KCNQ3: variants seen among roughly 807,000 people sequenced by gnomAD.
The protein encoded by KCNQ3 is potassium voltage-gated channel subfamily KQT member 3.
Under a neutral mutation model 92.5 loss-of-function variants are expected in KCNQ3, and 30 were observed. That is an observed-to-expected ratio of 0.32 (90% CI 0.24 to 0.44). KCNQ3 has a LOEUF of 0.44. Among genes scored for constraint, KCNQ3 ranks in the 20% least tolerant of loss-of-function variants. The pLI is 1.00. For synonymous variants in KCNQ3, 450 were observed against 468.8 expected (o/e 0.96, Z 0.52); for missense variants, 913 against 1,140.3 (o/e 0.80, Z 2.87).
intron 1 of KCNQ3, among the ~76,000 whole-genome samples, chr8:132,428,856 C>T (rs1416520444): frequency 1.3e-5 from 2 of 152,138 alleles, no homozygotes; most frequent in African/African-American, 4.8e-5. Flanking sequence ...AGAGACCACC[C>T]TTCCTCTAAA....
At chr8:132,342,471 G>T (rs1337257206) in intron 1 of KCNQ3, among the ~76,000 whole-genome samples, 1 of 152,140 alleles carries the variant, frequency 6.6e-6, no homozygotes, top group African/African-American at 2.4e-5. Context: ...GGCAAAATTT[G>T]GCCTATGGAT....
At chr8:132,167,350 T>C (rs1328762106) in intron 8 of KCNQ3, among the ~76,000 whole-genome samples, 1 of 152,198 alleles carries the variant, frequency 6.6e-6, no homozygotes, top group African/African-American at 2.4e-5. Flanking sequence ...AATTAGATAG[T>C]GGTGATTGAT....
chr8:132,210,609 A>G (rs775301856), intron 1 of KCNQ3, among the ~76,000 whole-genome samples: 17 of 152,150 alleles, frequency 1.1e-4, no homozygotes, highest in Non-Finnish European at 1.6e-4. Flanking sequence ...TAAGGCCACA[A>G]AGTGTTGGCC....
At chr8:132,140,226 G>T in intron 10 of KCNQ3, 48 bp from the exon 11 acceptor site, 1 of 1,424,436 alleles carries the variant, frequency 7.0e-7, no homozygotes, top group Non-Finnish European at 9.9e-7. Flanking sequence ...ACCTGGAAAA[G>T]GCTTGGGGAC....
intron 1 of KCNQ3, among the ~76,000 whole-genome samples, chr8:132,469,030 G>A (rs1435823238): frequency 6.6e-6 from 1 of 152,216 alleles, no homozygotes; most frequent in Non-Finnish European, 1.5e-5. Flanking sequence ...GGGATTTGAT[G>A]TGCATCCTGT....
chr8:132,189,523 G>A (rs1827092868), intron 1 of KCNQ3, among the ~76,000 whole-genome samples: 1 of 152,228 alleles, frequency 6.6e-6, no homozygotes, highest in East Asian at 1.9e-4. Flanking sequence ...AAACTACTTA[G>A]CAATAAAAAT....
chr8:132,191,263 G>A (rs1426582181), intron 1 of KCNQ3, among the ~76,000 whole-genome samples: 1 of 152,138 alleles, frequency 6.6e-6, no homozygotes, highest in Non-Finnish European at 1.5e-5. Context: ...CCTCCCATCT[G>A]TAGTAGCTGG....
chr8:132,459,567 T>C (rs1011721656), intron 1 of KCNQ3, among the ~76,000 whole-genome samples: 3 of 152,170 alleles, frequency 2.0e-5, no homozygotes, highest in Admixed American at 6.5e-5. Context: ...GGATTAATTA[T>C]TCATGAGGGA....
chr8:132,329,290 C>A (rs996362053), intron 1 of KCNQ3, among the ~76,000 whole-genome samples: 13 of 152,160 alleles, frequency 8.5e-5, no homozygotes, highest in Admixed American at 2.6e-4. Flanking sequence ...TCAGCCCCCA[C>A]TCACCTCCTC....
At chr8:132,130,632 G>C (rs373690741) in intron 14 of KCNQ3, among the ~76,000 whole-genome samples, 1 of 152,122 alleles carries the variant, frequency 6.6e-6, no homozygotes, top group African/African-American at 2.4e-5. Context: ...AATGTTGCCC[G>C]GGTCAAGGAG....
At chr8:132,336,945 A>G (rs999567655) in intron 1 of KCNQ3, among the ~76,000 whole-genome samples, 1 of 152,232 alleles carries the variant, frequency 6.6e-6, no homozygotes, top group South Asian at 2.1e-4. Flanking sequence ...CATTCCATTC[A>G]GGAGACTTGA....
chr8:132,376,358 G>A (rs892518422), intron 1 of KCNQ3, among the ~76,000 whole-genome samples: 8 of 152,064 alleles, frequency 5.3e-5, no homozygotes, highest in Admixed American at 1.3e-4. Context: ...TTCCAAATAC[G>A]GTGCTGGCAG....
intron 1 of KCNQ3, among the ~76,000 whole-genome samples, chr8:132,303,171 AGGAGATTGG>A (rs1349612111): frequency 6.6e-6 from 1 of 152,148 alleles, no homozygotes; most frequent in Non-Finnish European, 1.5e-5. Flanking sequence ...AAGGCAATGA[AGGAGATTGG>A]CACCAACAGG....
At chr8:132,364,678 C>T (rs1000944263) in intron 1 of KCNQ3, among the ~76,000 whole-genome samples, 2 of 123,636 alleles carry the variant, frequency 1.6e-5, no homozygotes, top group Non-Finnish European at 3.3e-5. Flanking sequence ...GATGGACGGA[C>T]GGACGGACGG....
intron 1 of KCNQ3, among the ~76,000 whole-genome samples, chr8:132,250,363 A>T (rs1426851345): frequency 1.3e-5 from 2 of 152,326 alleles, no homozygotes; most frequent in South Asian, 4.1e-4. Flanking sequence ...GTCTTCAGCA[A>T]TTCTTTAATG....
intron 12 of KCNQ3, 118 bp downstream of exon 12, chr8:132,137,767 T>C: frequency 7.9e-7 from 1 of 1,273,098 alleles, no homozygotes; most frequent in Non-Finnish European, 1.1e-6. Flanking sequence ...TCGTGGATAT[T>C]TGTCTTCTTA....
Position 132,128,507 on chromosome 8 carries a change from ATGTGTG to A in KCNQ3, c.*749_*754del, listed in dbSNP as rs35230760. On this transcript the variant is annotated 3_prime_UTR_variant, in exon 15 of 15. Transcript: ENST00000388996. ...ATTGGAAACTATTTTAACTTTGTGTATGTGTGTGTGTGTGTGTGTGTGTGTGTGTGT... is the reference window on the plus strand; with the variant it reads ...ATTGGAAACTATTTTAACTTTGTGTATGTGTGTGTGTGTGTGTGTGTGTGT... 0.14 allele frequency: 19,759 copies of A among 145,182 alleles called. 1,460 individuals carry two copies. The highest frequency in any genetic ancestry group is 0.17 in the Non-Finnish European group (11,118 of 66,274). 9.0% of individuals were successfully genotyped at this position (145,182 alleles called of 1,614,324 possible).
intron 1 of KCNQ3, among the ~76,000 whole-genome samples, chr8:132,247,908 T>G (rs2130429583): frequency 6.6e-6 from 1 of 152,274 alleles, no homozygotes; most frequent in African/African-American, 2.4e-5. Context: ...TGCCAAGCAC[T>G]GTTTTAAGCA....
chr8:132,240,907 G>C (rs1489843472), intron 1 of KCNQ3, among the ~76,000 whole-genome samples: 2 of 144,084 alleles, frequency 1.4e-5, no homozygotes, highest in Non-Finnish European at 3.0e-5. Flanking sequence ...TTTTCTTTTT[G>C]AGACAGAGTC....
Sources: gnomAD v4.1 joint callset for allele counts (sites outside exome capture counted in the v4.1 genomes callset) on GRCh38, gnomAD v4.1.1 for gene constraint, MANE v1.5 for transcripts, NCBI Gene and HGNC (gene_info 2026-07-23, HGNC 2026-07-21) for gene names.